PEX3: variants seen among roughly 807,000 people sequenced by gnomAD.
PEX3 encodes peroxin-3.
PEX3 carries 30 observed loss-of-function variants against 55.8 expected under a neutral mutation model. That is an observed-to-expected ratio of 0.54 (90% CI 0.40 to 0.73). The LOEUF (loss-of-function observed/expected upper bound fraction) is 0.73. PEX3 is among the 30% of genes least tolerant of loss of function. The probability of loss-of-function intolerance (pLI) is 0.00; values close to 1 mark genes in which losing one functional copy is unlikely to be tolerated. For missense variants in PEX3, 351 were observed against 432.8 expected (o/e 0.81, Z 1.68); for synonymous variants, 135 against 148.4 (o/e 0.91, Z 0.66).
chr6:143,450,911 T>A lies in PEX3; in HGVS notation c.-132T>A, dbSNP rs1281652071. On this transcript the variant is annotated 5_prime_UTR_variant, in exon 1 of 12. It adds an upstream start codon to the 5' untranslated region. Transcript: ENST00000367591. ...TGACAGTCTCTGCGGAAAGTCACGT[T>A]TGTGATTTCGGGAGAGCACAGAACG... The A allele has an allele frequency of 1.2e-6, 1 of 838,952 alleles. No homozygotes were observed. Among genetic ancestry groups the A allele is most frequent in the Non-Finnish European group, 2.1e-6 (1 of 475,638 alleles). 52.0% of individuals were successfully genotyped at this position (838,952 alleles called of 1,614,324 possible). A position where few individuals can be genotyped will look rare whatever the true frequency, so the allele number is the denominator to read the frequency against.
chr6:143,455,359 ATTTTTTTTTTTTT>A (rs56788350), intron 1 of PEX3, among the ~76,000 whole-genome samples: 9 of 71,968 alleles, frequency 1.3e-4, no homozygotes, highest in Non-Finnish European at 1.9e-4. Flanking sequence ...CGCCCGGCTA[ATTTTTTTTTTTTT>A]TTTTTTTTTT....
chr6:143,457,261 C>T (rs949625444), intron 1 of PEX3, among the ~76,000 whole-genome samples: 5 of 152,010 alleles, frequency 3.3e-5, no homozygotes, highest in African/African-American at 1.2e-4. Flanking sequence ...AGTCAGTTTC[C>T]TTTGTTGGTA....
intron 8 of PEX3, among the ~76,000 whole-genome samples, chr6:143,473,997 C>T (rs966202710): frequency 2.0e-5 from 3 of 151,948 alleles, no homozygotes; most frequent in African/African-American, 4.8e-5. Context: ...AGTATGGTGG[C>T]CCATGCCTGT....
At chr6:143,481,753 C>T (rs1050822753) in intron 10 of PEX3, among the ~76,000 whole-genome samples, 2 of 151,682 alleles carry the variant, frequency 1.3e-5, no homozygotes, top group Non-Finnish European at 2.9e-5. Context: ...TATGATAGCT[C>T]ACTTCTGTAA....
rs951490570 is a variant in PEX3 at position 143,472,407 on chromosome 6, G to C, written c.747+79G>C. The C allele has an allele frequency of 4.0e-5, 40 of 1,003,856 alleles. No homozygotes were observed. The South Asian group carries it at 5.0e-4, about 13-fold the overall frequency. 62.2% of individuals were successfully genotyped at this position (1,003,856 alleles called of 1,614,324 possible). On this transcript the variant is annotated intron_variant, in intron 8 of 11. Coordinates refer to ENST00000367591, the MANE Select transcript of PEX3 (RefSeq NM_003630.3). The stretch of plus-strand genomic sequence containing the variant: ...TTACTCTCTTGAAATTTTGATTTCT[G>C]AGTCTCTTGAAAGGTAAGTGATTGA...
In PEX3 at chr6:143,464,010, G is replaced by A. The variant is rs188063425; in HGVS notation, c.287+1013G>A. Among the ~76,000 whole-genome samples the A allele has an allele frequency of 2.0e-5, 3 of 152,116 alleles. No individual in the cohort carries two copies. Among genetic ancestry groups the A allele is most frequent in the Non-Finnish European group, 2.9e-5 (2 of 67,934 alleles). On this transcript the variant is annotated intron_variant, in intron 3 of 11. Coordinates refer to ENST00000367591, the MANE Select transcript of PEX3 (RefSeq NM_003630.3). This position sits in a 1 kb window ranked among gnomAD's most constrained non-coding sequence, Gnocchi z 5.8. Reference sequence around the variant, plus strand: ...TGATTAAAACAGAATGCTAGTGATGGGGGTTTTCCATTTTAAATTTCTTCA... The same window carrying A: ...TGATTAAAACAGAATGCTAGTGATGAGGGTTTTCCATTTTAAATTTCTTCA...
chr6:143,461,040 CAGA>C (rs1428412032), intron 2 of PEX3, among the ~76,000 whole-genome samples: 1 of 151,814 alleles, frequency 6.6e-6, no homozygotes. Flanking sequence ...GGAAGGGAGG[CAGA>C]AGAAGGCAAG....
intron 10 of PEX3, among the ~76,000 whole-genome samples, chr6:143,480,055 T>TA (rs1313735769): frequency 6.6e-6 from 1 of 152,132 alleles, no homozygotes; most frequent in Non-Finnish European, 1.5e-5. Flanking sequence ...GGCCAGAAGT[T>TA]ACTTACCAGA....
Position 143,451,702 on chromosome 6 carries a change from C to T in PEX3, c.73+587C>T, listed in dbSNP as rs1312599120. On this transcript the variant is annotated intron_variant, in intron 1 of 11. Transcript: ENST00000367591. This position sits in a 1 kb window ranked among gnomAD's most constrained non-coding sequence, Gnocchi z 4.1. Reference sequence around the variant, plus strand: ...ACAAACTATGGCAGTAAGAAAAATGCTTGAGGGATGTTGTGCAATCTTCCT... The same window carrying T: ...ACAAACTATGGCAGTAAGAAAAATGTTTGAGGGATGTTGTGCAATCTTCCT... Among the ~76,000 whole-genome samples, 2 of 152,184 alleles carry T rather than the reference C, an allele frequency of 1.3e-5. No homozygotes were observed. The highest frequency in any genetic ancestry group is 2.4e-5 in the African/African-American group (1 of 41,442).
At chr6:143,452,266 GCATATGTAAATTTTGAA>G (rs1779783766) in intron 1 of PEX3, among the ~76,000 whole-genome samples, 1 of 152,112 alleles carries the variant, frequency 6.6e-6, no homozygotes, top group South Asian at 2.1e-4. Flanking sequence ...TCAATAATAA[GCATATGTAAATTTTGAA>G]CACCTTCGAG....
At chr6:143,467,967 T>A (rs563771303) in intron 3 of PEX3, among the ~76,000 whole-genome samples, 155 bp from the exon 4 acceptor site, 4 of 152,036 alleles carry the variant, frequency 2.6e-5, no homozygotes, top group Admixed American at 6.6e-5. Flanking sequence ...GGAATTAAAA[T>A]TTTTTTTTAC....
chr6:143,451,194 C>T lies in PEX3; in HGVS notation c.73+79C>T. ...GACTTCTTCTAAAATAAGGACAGGCCGGGCGATCCTAGTCTGGGATATGTA... is the reference window on the plus strand; with the variant it reads ...GACTTCTTCTAAAATAAGGACAGGCTGGGCGATCCTAGTCTGGGATATGTA... On this transcript the variant is annotated intron_variant, in intron 1 of 11. Transcript: ENST00000367591. The surrounding 1 kb of genome is among the most constrained non-coding windows in gnomAD (Gnocchi z 4.1). 2.9e-6 allele frequency: 3 copies of T among 1,018,754 alleles called. No homozygotes were observed. Among genetic ancestry groups the T allele is most frequent in the Admixed American group, 1.7e-5 (1 of 59,228 alleles). 63.1% of individuals were successfully genotyped at this position (1,018,754 alleles called of 1,614,324 possible). A position where few individuals can be genotyped will look rare whatever the true frequency, so the allele number is the denominator to read the frequency against.
chr6:143,457,466 T>C (rs1779862591), intron 1 of PEX3, among the ~76,000 whole-genome samples: 3 of 152,248 alleles, frequency 2.0e-5, no homozygotes, highest in Admixed American at 1.3e-4. Context: ...TTTTTAAGAA[T>C]ATGTAATATC....
In PEX3 at chr6:143,479,262, T is replaced by G; in HGVS notation, c.941+64T>G. The G allele has an allele frequency of 7.7e-7, 1 of 1,301,950 alleles. No homozygotes were observed. Among genetic ancestry groups the G allele is most frequent in the Non-Finnish European group, 1.1e-6 (1 of 898,846 alleles). 80.6% of individuals were successfully genotyped at this position (1,301,950 alleles called of 1,614,324 possible). A position where few individuals can be genotyped will look rare whatever the true frequency, so the allele number is the denominator to read the frequency against. Reference sequence around the variant, plus strand: ...CTAAAAAAATGGTGCTTTGCTTGTCTTTTTGTTCCAGATAACAACAACAAA... The same window carrying G: ...CTAAAAAAATGGTGCTTTGCTTGTCGTTTTGTTCCAGATAACAACAACAAA... On this transcript the variant is annotated intron_variant, in intron 10 of 11. Transcript: ENST00000367591. This position sits in a 1 kb window ranked among gnomAD's most constrained non-coding sequence, Gnocchi z 4.6.
intron 9 of PEX3, among the ~76,000 whole-genome samples, 192 bp from the exon 10 acceptor site, chr6:143,478,884 T>C (rs1780189348): frequency 6.6e-6 from 1 of 152,122 alleles, no homozygotes; most frequent in South Asian, 2.1e-4. Flanking sequence ...AGTGGATGAA[T>C]ATTCTCATTA....
rs1312466953 is a variant in PEX3, at chr6:143,476,958, C to T, written c.818+2102C>T. ...AAGGAGACTGAGTAGGAGCTGCCAG[C>T]GAAAGAAAAGAAACACCAAAAGAAT... is the stretch of plus-strand genomic sequence containing the variant. On this transcript the variant is annotated intron_variant, in intron 9 of 11. Coordinates refer to ENST00000367591, the MANE Select transcript of PEX3 (RefSeq NM_003630.3). The surrounding 1 kb of genome is among the most constrained non-coding windows in gnomAD (Gnocchi z 5.4). 3.3e-5 allele frequency among the ~76,000 whole-genome samples: 5 copies of T among 151,694 alleles called. No individual in the cohort carries two copies. Among genetic ancestry groups the T allele is most frequent in the South Asian group, 2.1e-4 (1 of 4,808 alleles).
At position 143,483,697 on chromosome 6, in the gene PEX3, G is replaced by A. The variant is rs1376520900; in HGVS notation, c.942-1455G>A. Among the ~76,000 whole-genome samples the A allele has an allele frequency of 2.6e-5, 4 of 152,126 alleles. No homozygotes were observed. The East Asian group carries it at 7.7e-4, about 29-fold the overall frequency. On this transcript the variant is annotated intron_variant, in intron 10 of 11. Coordinates refer to ENST00000367591, the MANE Select transcript of PEX3 (RefSeq NM_003630.3). This position sits in a 1 kb window ranked among gnomAD's most constrained non-coding sequence, Gnocchi z 4.3. ...GTATGATTTCTTTGACTGGTTTGTG[G>A]AAAAGGAATTGGGTAAACAGGGACT...
rs1022140362 is a variant in PEX3 at position 143,488,371 on chromosome 6, CA to C, written c.1039-770del. 6.6e-5 allele frequency among the ~76,000 whole-genome samples: 10 copies of C among 151,978 alleles called. No individual in the cohort carries two copies. The highest frequency in any genetic ancestry group is 5.2e-4 in the Admixed American group (8 of 15,246). On this transcript the variant is annotated intron_variant, in intron 11 of 11. Transcript: ENST00000367591. The surrounding 1 kb of genome is among the most constrained non-coding windows in gnomAD (Gnocchi z 4.9). ...AAATACATAATATTATAAAGGAAAC[CA>C]ATCATATATAGTTTTCAAAATTTCT...
In PEX3 at chr6:143,453,578, T is replaced by G. The variant is rs1205421006; in HGVS notation, c.73+2463T>G. 6.6e-6 allele frequency among the ~76,000 whole-genome samples: 1 copy of G among 152,182 alleles called. No individual in the cohort carries two copies. The highest frequency in any genetic ancestry group is 1.5e-5 in the Non-Finnish European group (1 of 68,038). On this transcript the variant is annotated intron_variant, in intron 1 of 11. Transcript: ENST00000367591. This position sits in a 1 kb window ranked among gnomAD's most constrained non-coding sequence, Gnocchi z 4.6. ...ATACAATGGTGTGATCGTAGCTCAC[T>G]GCAGCCTTGTTTTCTCCTTTGCTAG...
Sources: allele counts gnomAD v4.1 joint callset (sites outside exome capture counted in the v4.1 genomes callset), GRCh38; gene constraint gnomAD v4.1.1; non-coding constraint Gnocchi (gnomAD v3.1); transcripts MANE v1.5; gene names NCBI Gene and HGNC (gene_info 2026-07-23, HGNC 2026-07-21).